PCDH19: variants seen among roughly 807,000 people sequenced by gnomAD.
PCDH19 encodes protocadherin 19.
PCDH19 carries 6 observed loss-of-function variants against 46.2 expected under a neutral mutation model. That is an observed-to-expected ratio of 0.13 (90% CI 0.07 to 0.26). The LOEUF (loss-of-function observed/expected upper bound fraction) is 0.26, where lower values mean the gene tolerates loss of function less well. Ranked by LOEUF, PCDH19 falls within the 10% of genes least tolerant of loss-of-function variation. The probability of loss-of-function intolerance (pLI) is 1.00; values close to 1 mark genes in which losing one functional copy is unlikely to be tolerated. For synonymous variants in PCDH19, 481 were observed against 415.7 expected, an observed-to-expected ratio of 1.16 and a Z score of -1.91; for missense variants, 740 against 972.3, an observed-to-expected ratio of 0.76 and a Z score of 3.18.
At position 100,402,640 on chromosome X, in the gene PCDH19, T is replaced by C. The variant is rs768823043; in HGVS notation, c.2500A>G (p.Asn834Asp). ...GCRRSESTFL[N>D]VENQNTRNTS... ...TTGCGGGTATTCTGGTTCTCCACATTCAGGAAAGTGCTCTCAGAGCGGCGG... is the reference window on the plus strand; with the variant it reads ...TTGCGGGTATTCTGGTTCTCCACATCCAGGAAAGTGCTCTCAGAGCGGCGG... The change falls in exon 3 of 6, where the codon AAT (asparagine) becomes GAT (aspartate). Residue 834 changes from asparagine (N) to aspartate (D), a missense_variant. This residue lies in a region of PCDH19 where 416 missense variants were observed against 476.8 expected (regional missense o/e 0.87). Transcript: ENST00000373034. The C allele has an allele frequency of 2.5e-6, 3 of 1,211,221 alleles. No homozygotes were observed. In the Admixed American group the frequency reaches 6.5e-5, roughly 26 times the overall value.
chrX:100,403,263 A>G, intron 2 of PCDH19, among the ~76,000 whole-genome samples: 1 of 111,060 alleles, frequency 9.0e-6, no homozygotes, highest in Non-Finnish European at 1.9e-5. Flanking sequence ...AGATAGAGGA[A>G]AATAAAAAAT....
intron 5 of PCDH19, among the ~76,000 whole-genome samples, chrX:100,312,222 T>C (rs1308182434): frequency 9.0e-6 from 1 of 110,974 alleles, no homozygotes; most frequent in Non-Finnish European, 1.9e-5. Flanking sequence ...GCCAGCACTG[T>C]ATATGAAAAG....
intron 5 of PCDH19, among the ~76,000 whole-genome samples, chrX:100,314,809 T>C (rs191342970): frequency 7.1e-5 from 8 of 112,227 alleles, no homozygotes; most frequent in Non-Finnish European, 1.5e-4. Context: ...TGGAGTTCAA[T>C]GAACCTTTTA....
intron 5 of PCDH19, among the ~76,000 whole-genome samples, chrX:100,319,340 A>C (rs1925405174): frequency 8.9e-6 from 1 of 112,181 alleles, no homozygotes; most frequent in African/African-American, 3.2e-5. Context: ...GATGAAGTCA[A>C]AGTACATGAG....
intron 5 of PCDH19, among the ~76,000 whole-genome samples, chrX:100,300,812 C>T (rs913709167): frequency 1.2e-5 from 1 of 83,350 alleles, no homozygotes; most frequent in Non-Finnish European, 2.5e-5. Flanking sequence ...ATAAAAAATA[C>T]AGAAAAAAGT....
At chrX:100,371,026 G>GA (rs1569304523) in intron 3 of PCDH19, among the ~76,000 whole-genome samples, 3 of 77,858 alleles carry the variant, frequency 3.9e-5, no homozygotes, top group Non-Finnish European at 8.0e-5. Context: ...TGTGTGTGTG[G>GA]GTGTGTGTGT....
At chrX:100,328,218 T>C (rs996375397) in intron 5 of PCDH19, among the ~76,000 whole-genome samples, 1 of 111,925 alleles carries the variant, frequency 8.9e-6, no homozygotes, top group South Asian at 3.7e-4. Context: ...AATGAGGCAC[T>C]AAAAGGTGCT....
intron 3 of PCDH19, among the ~76,000 whole-genome samples, chrX:100,353,439 G>A (rs976771107): frequency 9.0e-6 from 1 of 111,705 alleles, no homozygotes. Flanking sequence ...GAAGCTCCGC[G>A]GAGACCTGAC....
At chrX:100,355,534 G>A (rs1157664968) in intron 3 of PCDH19, among the ~76,000 whole-genome samples, 1 of 111,453 alleles carries the variant, frequency 9.0e-6, no homozygotes, top group African/African-American at 3.3e-5. Flanking sequence ...TGTGTTCTTG[G>A]AAACTATACA....
intron 5 of PCDH19, among the ~76,000 whole-genome samples, chrX:100,332,910 G>A (rs1021727702): frequency 2.8e-5 from 3 of 108,360 alleles, no homozygotes; most frequent in Non-Finnish European, 5.7e-5. Flanking sequence ...GTTAAGGTGG[G>A]AGGGTCGCCT....
intron 3 of PCDH19, among the ~76,000 whole-genome samples, chrX:100,356,406 G>A (rs1218529578): frequency 9.0e-6 from 1 of 111,220 alleles, no homozygotes; most frequent in Non-Finnish European, 1.9e-5. Context: ...TCCTAAAGCT[G>A]GTTGCTGTTT....
At chrX:100,347,215 C>G (rs1360932235) in intron 4 of PCDH19, among the ~76,000 whole-genome samples, 1 of 111,691 alleles carries the variant, frequency 9.0e-6, no homozygotes, top group African/African-American at 3.3e-5. Context: ...TGCCCTCTGG[C>G]TTTCTGTTGG....
chrX:100,410,213 C>G lies in PCDH19; in HGVS notation c.-1616G>C, dbSNP rs765502363. 3.4e-6 allele frequency: 1 copy of G among 295,134 alleles called. No homozygotes were observed. The highest frequency in any genetic ancestry group is 5.9e-6 in the Non-Finnish European group (1 of 169,741). The allele number at this position is 295,134 out of a possible 1,213,427, so 24.3% of individuals were successfully genotyped here. ...CCGTCTGTGCCCGCTCGTCCGTCTC[C>G]GCGCTGCGCCAGCCGCCGCCGCTAC... On this transcript the variant is annotated 5_prime_UTR_variant, in exon 1 of 6. Transcript: ENST00000373034.
intron 5 of PCDH19, among the ~76,000 whole-genome samples, chrX:100,335,497 A>T (rs1217513005): frequency 9.8e-5 from 11 of 112,217 alleles, no homozygotes; most frequent in Non-Finnish European, 3.8e-5. Flanking sequence ...GGAATATTTC[A>T]TGACATTCCC....
chrX:100,390,749 C>T (rs1326884535), intron 3 of PCDH19, among the ~76,000 whole-genome samples: 1 of 111,754 alleles, frequency 8.9e-6, no homozygotes, highest in Admixed American at 9.5e-5. Flanking sequence ...TATATTGATT[C>T]TGTAGGGCTC....
chrX:100,313,830 G>A (rs1665557702), intron 5 of PCDH19, among the ~76,000 whole-genome samples: 1 of 102,026 alleles, frequency 9.8e-6, no homozygotes, highest in South Asian at 4.7e-4. Context: ...ACCTCCTGCT[G>A]GAATTCAAAG....
rs1341568773 is a variant in PCDH19, at chrX:100,398,205, G to GTGTA, written c.2616+4315_2616+4318dup. 1.5e-4 allele frequency among the ~76,000 whole-genome samples: 17 copies of GTGTA among 112,172 alleles called. No individual in the cohort carries two copies. The East Asian group carries it at 4.2e-3, about 28-fold the overall frequency. On this transcript the variant is annotated intron_variant, in intron 3 of 5. Transcript: ENST00000373034. ...ATCCTCCACTTTGCCCCTCAAATTT[G>GTGTA]TGTACGAAACCACAAAATCCACATA...
chrX:100,345,045 G>A (rs749186531), intron 4 of PCDH19, among the ~76,000 whole-genome samples: 1 of 109,918 alleles, frequency 9.1e-6, no homozygotes, highest in Non-Finnish European at 1.9e-5. Context: ...TGTGACCCTG[G>A]ACCTGATATC....
At chrX:100,369,108 C>T (rs1927149813) in intron 3 of PCDH19, among the ~76,000 whole-genome samples, 1 of 111,566 alleles carries the variant, frequency 9.0e-6, no homozygotes, top group Non-Finnish European at 1.9e-5. Context: ...ATTACTACTA[C>T]AAATGCCTTT....
Sources: gnomAD v4.1 joint callset for allele counts (sites outside exome capture counted in the v4.1 genomes callset) on GRCh38, gnomAD v4.1.1 for gene constraint, gnomAD v4.1.1 regional missense constraint, MANE v1.5 for transcripts, NCBI Gene and HGNC (gene_info 2026-07-23, HGNC 2026-07-21) for gene names.